Variants in PIP5K1C observed in about 807,000 individuals in gnomAD.
PIP5K1C encodes the protein phosphatidylinositol 4-phosphate 5-kinase type-1 gamma.
Under a neutral mutation model 80.1 loss-of-function variants are expected in PIP5K1C, and 45 were observed. That is an observed-to-expected ratio of 0.56 (90% CI 0.44 to 0.72). The LOEUF (loss-of-function observed/expected upper bound fraction) is 0.72, where lower values mean the gene tolerates loss of function less well. Among genes scored for constraint, PIP5K1C ranks in the 30% least tolerant of loss-of-function variants. PIP5K1C has a pLI of 0.00. For synonymous variants in PIP5K1C, 498 were observed against 420.1 expected (o/e 1.19, Z -2.27); for missense variants, 753 against 954.6 (o/e 0.79, Z 2.78).
rs1210902644 is a variant in PIP5K1C, at chr19:3,696,448, A to C, written c.94+3849T>G. ...GTGGTGACAAACGCTATGGTGGCAC[A>C]ATCAGGGAAGAGGAACCGGGAGGGC... On this transcript the variant is annotated intron_variant, in intron 1 of 17. Coordinates refer to ENST00000335312, the MANE Select transcript of PIP5K1C (RefSeq NM_012398.3). This position sits in a 1 kb window ranked among gnomAD's most constrained non-coding sequence, Gnocchi z 4.1. Among the ~76,000 whole-genome samples, 1 of 152,180 alleles carries C rather than the reference A, an allele frequency of 6.6e-6. No homozygotes were observed. Among genetic ancestry groups the C allele is most frequent in the Non-Finnish European group, 1.5e-5 (1 of 68,034 alleles).
At chr19:3,635,986 C>A (rs2033671605) in intron 16 of PIP5K1C, among the ~76,000 whole-genome samples, 1 of 150,526 alleles carries the variant, frequency 6.6e-6, no homozygotes, top group Non-Finnish European at 1.5e-5. Flanking sequence ...TCTCAAAAAA[C>A]AAACAAACAA....
chr19:3,648,685 T>A lies in PIP5K1C; in HGVS notation c.1151A>T (p.Asn384Ile). 3 of 1,612,930 alleles carry A rather than the reference T, an allele frequency of 1.9e-6. No individual in the cohort carries two copies. Among genetic ancestry groups the A allele is most frequent in the Non-Finnish European group, 2.5e-6 (3 of 1,179,854 alleles). ...CAGCAGCAGCCGCTCCCCGCGGCCG[T>A]TCACAGCGGGGATCCCGCCCATCCT... ...DDTMGGIPAV[N>I]GRGERLLLHI... Residue 384 changes from asparagine (N) to isoleucine (I), a missense_variant, in exon 9 of 18, where the codon AAC (asparagine) becomes ATC (isoleucine). Physicochemically the swap from Asn to Ile is moderately radical, Grantham distance 149. Around this residue, in one of 6 missense-constraint regions of PIP5K1C, gnomAD observed 114 missense variants for 152.4 expected, o/e 0.75. Transcript: ENST00000335312. The surrounding 1 kb of genome is among the most constrained non-coding windows in gnomAD (Gnocchi z 4.3).
At chr19:3,689,390 C>A (rs1193790585) in intron 1 of PIP5K1C, among the ~76,000 whole-genome samples, 1 of 152,142 alleles carries the variant, frequency 6.6e-6, no homozygotes, top group African/African-American at 2.4e-5. Context: ...GTGGCTCATG[C>A]CTGTAACCCC....
intron 1 of PIP5K1C, among the ~76,000 whole-genome samples, chr19:3,683,742 C>G (rs1442053505): frequency 6.6e-6 from 1 of 152,158 alleles, no homozygotes; most frequent in African/African-American, 2.4e-5. Flanking sequence ...GGCAGAGGGG[C>G]CTCCCAGGCA....
chr19:3,642,753 T>C (rs567027811), intron 14 of PIP5K1C, among the ~76,000 whole-genome samples, 154 bp downstream of exon 14: 1 of 151,970 alleles, frequency 6.6e-6, no homozygotes, highest in African/African-American at 2.4e-5. Context: ...GGCTGGAAGA[T>C]TGTGTGCGGT....
At chr19:3,658,693 C>T (rs373962683) in intron 5 of PIP5K1C, among the ~76,000 whole-genome samples, 1 of 152,190 alleles carries the variant, frequency 6.6e-6, no homozygotes, top group South Asian at 2.1e-4. Context: ...TGCCTGTCCA[C>T]GGTGGCAGGA....
At chr19:3,684,772 G>A (rs1600080392) in intron 1 of PIP5K1C, among the ~76,000 whole-genome samples, 1 of 152,224 alleles carries the variant, frequency 6.6e-6, no homozygotes, top group Non-Finnish European at 1.5e-5. Context: ...GTAGGGCCCA[G>A]GCAGCAAAGC....
rs1568301474 is a variant in PIP5K1C at position 3,631,039 on chromosome 19, G to A, written c.*2128C>T. On this transcript the variant is annotated 3_prime_UTR_variant, in exon 18 of 18. Coordinates refer to ENST00000335312, the MANE Select transcript of PIP5K1C (RefSeq NM_012398.3). ...ACCAACACCAAGTATATCTCCAAAAGGGCCTTGGAGACAACACAAGAATGG... is the reference window on the plus strand; with the variant it reads ...ACCAACACCAAGTATATCTCCAAAAAGGCCTTGGAGACAACACAAGAATGG... The A allele has an allele frequency of 6.6e-6, 1 of 152,284 alleles. No homozygotes were observed. The highest frequency in any genetic ancestry group is 1.5e-5 in the Non-Finnish European group (1 of 68,066). 9.4% of individuals were successfully genotyped at this position (152,284 alleles called of 1,614,324 possible).
At chr19:3,636,532 A>G (rs577662618) in intron 16 of PIP5K1C, 6 of 985,526 alleles carry the variant, frequency 6.1e-6, no homozygotes, top group African/African-American at 3.5e-5. Context: ...TGGGGTGGCC[A>G]GCAGGGCCGC....
chr19:3,655,848 A>G (rs1411920780), intron 6 of PIP5K1C, among the ~76,000 whole-genome samples: 1 of 152,096 alleles, frequency 6.6e-6, no homozygotes, highest in Non-Finnish European at 1.5e-5. Context: ...GCCCAGGAAC[A>G]CTGTGGCAGC....
intron 1 of PIP5K1C, among the ~76,000 whole-genome samples, chr19:3,699,755 C>T (rs929763163): frequency 1.3e-5 from 2 of 152,118 alleles, no homozygotes; most frequent in Non-Finnish European, 2.9e-5. Context: ...TGGGGGAAGG[C>T]TCGGGGAGAG....
rs1022467289 is a variant in PIP5K1C at position 3,638,051 on chromosome 19, G to GC, written c.1920+832dup. 2.0e-6 allele frequency: 3 copies of GC among 1,470,316 alleles called. No individual in the cohort carries two copies. The African/African-American group carries it at 4.2e-5, about 21-fold the overall frequency. 91.1% of individuals were successfully genotyped at this position (1,470,316 alleles called of 1,614,324 possible). ...GTTAGTTATGAAGCAGCGAGGAGGT[G>GC]CCCCCACAACAGGCCCTAAGGCCTG... is the stretch of plus-strand genomic sequence containing the variant. On this transcript the variant is annotated intron_variant, in intron 16 of 17. Coordinates refer to ENST00000335312, the MANE Select transcript of PIP5K1C (RefSeq NM_012398.3).
At chr19:3,634,750 G>C (rs1186340083) in intron 16 of PIP5K1C, among the ~76,000 whole-genome samples, 1 of 152,196 alleles carries the variant, frequency 6.6e-6, no homozygotes, top group Non-Finnish European at 1.5e-5. Context: ...CTCGGGCTCT[G>C]CCTCCATGCT....
rs2035983185 is a variant in PIP5K1C, at chr19:3,692,698, T to C, written c.94+7599A>G. Among the ~76,000 whole-genome samples, 1 of 151,852 alleles carries C rather than the reference T, an allele frequency of 6.6e-6. No homozygotes were observed. Among genetic ancestry groups the C allele is most frequent in the African/African-American group, 2.4e-5 (1 of 41,318 alleles). On this transcript the variant is annotated intron_variant, in intron 1 of 17. Transcript: ENST00000335312. The surrounding 1 kb of genome is among the most constrained non-coding windows in gnomAD (Gnocchi z 5.2). ...CCCACAGCAGCCACCAGGGGGTGCC[T>C]GTGAGCTCCTGAGTCTCGCCCATCC...
At chr19:3,678,516 A>C (rs111211876) in intron 1 of PIP5K1C, among the ~76,000 whole-genome samples, 4 of 84,902 alleles carry the variant, frequency 4.7e-5, no homozygotes, top group African/African-American at 1.9e-4. Context: ...GGATGGTGGG[A>C]TGGAGGGAGG....
At chr19:3,655,010 A>C (rs1451407790) in intron 6 of PIP5K1C, among the ~76,000 whole-genome samples, 1 of 143,444 alleles carries the variant, frequency 7.0e-6, no homozygotes, top group Non-Finnish European at 1.5e-5. Flanking sequence ...CAGGAGGCTG[A>C]GGCAGCAGAA....
chr19:3,646,582 C>G (rs547158486), intron 10 of PIP5K1C, among the ~76,000 whole-genome samples: 204 of 152,310 alleles, frequency 1.3e-3, no homozygotes, highest in African/African-American at 4.3e-3. Flanking sequence ...GCGGCGGCAG[C>G]ACAGGACACC....
chr19:3,678,693 G>A (rs150317640), intron 1 of PIP5K1C, among the ~76,000 whole-genome samples: 14 of 127,662 alleles, frequency 1.1e-4, no homozygotes, highest in Admixed American at 5.4e-4. Context: ...GAGGGATGGC[G>A]AGATGGAGGG....
At chr19:3,641,923 G>A (rs2033979423) in intron 14 of PIP5K1C, 114 bp from the exon 15 acceptor site, 1 of 809,820 alleles carries the variant, frequency 1.2e-6, no homozygotes, top group South Asian at 1.4e-5. Context: ...GGAGCCTCCT[G>A]ATTGGGTCTG....
Sources: gnomAD v4.1 joint callset for allele counts (sites outside exome capture counted in the v4.1 genomes callset) on GRCh38, gnomAD v4.1.1 for gene constraint, gnomAD v4.1.1 regional missense constraint, Gnocchi (gnomAD v3.1) non-coding constraint, MANE v1.5 for transcripts, NCBI Gene and HGNC (gene_info 2026-07-23, HGNC 2026-07-21) for gene names.